Variants in DOCK3 observed in about 807,000 individuals in gnomAD.
The protein encoded by DOCK3 is dedicator of cytokinesis 3, also known as dedicator of cytokinesis protein 3.
Under a neutral mutation model 265.6 loss-of-function variants are expected in DOCK3, and 60 were observed. That is an observed-to-expected ratio of 0.23 (90% confidence interval 0.18 to 0.28). DOCK3 has a LOEUF of 0.28. DOCK3 is among the 10% of genes least tolerant of loss of function. The pLI is 1.00. For missense variants in DOCK3, 1,981 were observed against 2,594.3 expected (o/e 0.76, Z 5.14); for synonymous variants, 881 against 938.0 (o/e 0.94, Z 1.11).
intron 40 of DOCK3, among the ~76,000 whole-genome samples, chr3:51,351,920 G>A (rs1336222087): frequency 6.6e-6 from 1 of 152,170 alleles, no homozygotes; most frequent in African/African-American, 2.4e-5. Flanking sequence ...GCCTCCCAAA[G>A]TGCTGGGATT....
chr3:51,109,901 C>G (rs1244391099), intron 9 of DOCK3, among the ~76,000 whole-genome samples: 1 of 151,640 alleles, frequency 6.6e-6, no homozygotes, highest in Non-Finnish European at 1.5e-5. Flanking sequence ...CCACTGCACT[C>G]AAGCCTGGGT....
chr3:50,747,191 C>T (rs1031159777), intron 1 of DOCK3, among the ~76,000 whole-genome samples: 1 of 152,210 alleles, frequency 6.6e-6, no homozygotes, highest in Non-Finnish European at 1.5e-5. Flanking sequence ...TATTAGTCTT[C>T]AGTACCACAC....
At chr3:51,054,176 G>A (rs865842492) in intron 5 of DOCK3, among the ~76,000 whole-genome samples, 3 of 140,694 alleles carry the variant, frequency 2.1e-5, no homozygotes, top group African/African-American at 7.8e-5. Context: ...TATTTTTGAA[G>A]TTTTACATAT....
intron 27 of DOCK3, among the ~76,000 whole-genome samples, chr3:51,288,334 G>A (rs2081526497): frequency 6.7e-6 from 1 of 148,348 alleles, no homozygotes; most frequent in Non-Finnish European, 1.5e-5. Flanking sequence ...AGAGGTTGCA[G>A]TGAGCCAAGA....
chr3:51,216,201 A>G (rs1002315397), intron 14 of DOCK3, among the ~76,000 whole-genome samples: 17 of 152,196 alleles, frequency 1.1e-4, no homozygotes, highest in Admixed American at 1.1e-3. Flanking sequence ...GTGATCAGAG[A>G]CTAGAAAGGA....
In DOCK3 at chr3:51,036,802, G is replaced by A. The variant is rs572158160; in HGVS notation, c.316-27646G>A. 7.2e-5 allele frequency among the ~76,000 whole-genome samples: 11 copies of A among 152,218 alleles called. No individual in the cohort carries two copies. The East Asian group carries it at 1.9e-3, about 27-fold the overall frequency. ...TGGGAGGAACCTGTGGGAGGTAATT[G>A]AATCATGGGGTGGGTCTTTCCCATG... On this transcript the variant is annotated intron_variant, in intron 5 of 52. Coordinates refer to ENST00000266037, the MANE Select transcript of DOCK3 (RefSeq NM_004947.5).
At chr3:50,929,980 A>G (rs1403623704) in intron 4 of DOCK3, among the ~76,000 whole-genome samples, 1 of 152,246 alleles carries the variant, frequency 6.6e-6, no homozygotes, top group African/African-American at 2.4e-5. Context: ...TCCCAGATTC[A>G]TAGTGGAATT....
intron 5 of DOCK3, among the ~76,000 whole-genome samples, chr3:51,052,935 A>G (rs2081047121): frequency 6.6e-6 from 1 of 151,648 alleles, no homozygotes; most frequent in Admixed American, 6.6e-5. Flanking sequence ...GGCTGGTTCT[A>G]TTTATTTAAA....
intron 1 of DOCK3, among the ~76,000 whole-genome samples, chr3:50,760,022 G>A (rs1240656426): frequency 6.6e-6 from 1 of 151,512 alleles, no homozygotes; most frequent in South Asian, 2.1e-4. Context: ...TGATGAAGGC[G>A]GACTCTTTTT....
chr3:51,146,531 T>A lies in DOCK3; in HGVS notation c.747-18T>A, dbSNP rs751085857. On this transcript the variant is annotated intron_variant, in intron 9 of 52. Transcript: ENST00000266037. ...GTGTTACTCACATTTCTCTATATCT[T>A]TCTTTCCTACATTTCAGTGAGCGGT... is the stretch of plus-strand genomic sequence containing the variant. The A allele has an allele frequency of 1.9e-6, 3 of 1,577,160 alleles. No homozygotes were observed. In the Admixed American group the frequency reaches 5.6e-5, roughly 29 times the overall value.
At chr3:51,379,262 A>G (rs1355116456) in intron 51 of DOCK3, among the ~76,000 whole-genome samples, 4 of 152,170 alleles carry the variant, frequency 2.6e-5, no homozygotes, top group African/African-American at 9.7e-5. Context: ...AGCAGCTTCA[A>G]TCCCTGGCCA....
intron 5 of DOCK3, among the ~76,000 whole-genome samples, chr3:51,051,609 T>C (rs1177176342): frequency 6.6e-6 from 1 of 152,150 alleles, no homozygotes; most frequent in Admixed American, 6.6e-5. Context: ...TTGGCAGAGT[T>C]GAGATAGAAA....
chr3:50,709,433 G>A lies in DOCK3; in HGVS notation c.37+34133G>A, dbSNP rs1024343046. Among the ~76,000 whole-genome samples the A allele has an allele frequency of 2.6e-5, 4 of 152,168 alleles. No homozygotes were observed. The East Asian group carries it at 7.7e-4, about 29-fold the overall frequency. ...TTTTCCTCCACTATAATGTTAAATA[G>A]AGCTGACAGTGGTGAACATTTTTGT... On this transcript the variant is annotated intron_variant, in intron 1 of 52. Coordinates refer to ENST00000266037, the MANE Select transcript of DOCK3 (RefSeq NM_004947.5).
chr3:51,212,673 G>A (rs149539258), intron 13 of DOCK3, among the ~76,000 whole-genome samples: 56 of 152,202 alleles, frequency 3.7e-4, no homozygotes, highest in African/African-American at 1.3e-3. Context: ...TTTGGTTCTG[G>A]CTCCCAGGCT....
At chr3:51,184,540 A>G (rs564400256) in intron 12 of DOCK3, among the ~76,000 whole-genome samples, 1 of 59,714 alleles carries the variant, frequency 1.7e-5, no homozygotes, top group East Asian at 2.9e-4. Context: ...AATTGGAACA[A>G]TTTTAGCCAA....
At chr3:51,284,861 T>C (rs1039362585) in intron 27 of DOCK3, among the ~76,000 whole-genome samples, 1 of 152,020 alleles carries the variant, frequency 6.6e-6, no homozygotes, top group South Asian at 2.1e-4. Flanking sequence ...TCTGGGAAAA[T>C]GGGGCTTTGC....
intron 9 of DOCK3, among the ~76,000 whole-genome samples, chr3:51,092,041 A>G (rs916503483): frequency 6.6e-6 from 1 of 152,192 alleles, no homozygotes; most frequent in Non-Finnish European, 1.5e-5. Flanking sequence ...GGTGCCTAAC[A>G]CATCAGAGAC....
chr3:51,101,619 C>T (rs1193827218), intron 9 of DOCK3, among the ~76,000 whole-genome samples: 1 of 152,142 alleles, frequency 6.6e-6, no homozygotes, highest in Non-Finnish European at 1.5e-5. Flanking sequence ...TGTTCCTTTT[C>T]CTTAGAATAT....
rs775363635 is a variant in DOCK3, at chr3:51,227,318, G to A, written c.1413G>A (p.Arg471=). Residue 471 remains arginine (R), a synonymous_variant, in exon 16 of 53, where the codon AGG becomes AGA. Coordinates refer to ENST00000266037, the MANE Select transcript of DOCK3 (RefSeq NM_004947.5). ...CISLGSGEPN[R]SSYHSFVLYH... is the part of the protein sequence containing the mutation. ...GCTTGGGTTCAGGAGAGCCAAATAG[G>A]AGTTCCTACCACTCCTTTGTCCTCT... The A allele has an allele frequency of 6.2e-7, 1 of 1,613,808 alleles. No homozygotes were observed. The highest frequency in any genetic ancestry group is 2.2e-5 in the East Asian group (1 of 44,866).
Sources: gnomAD v4.1 joint callset for allele counts (sites outside exome capture counted in the v4.1 genomes callset) on GRCh38, gnomAD v4.1.1 for gene constraint, MANE v1.5 for transcripts, NCBI Gene and HGNC (gene_info 2026-07-23, HGNC 2026-07-21) for gene names.